Variants in NRG1 observed in about 807,000 individuals in gnomAD.
NRG1 encodes the protein neuregulin 1.
In NRG1, 18 loss-of-function variants were observed where a neutral mutation model predicts 63.8. The ratio of observed to expected loss-of-function variants is 0.28; its 90% CI spans 0.19 to 0.42. The LOEUF (loss-of-function observed/expected upper bound fraction) is 0.42. NRG1 is among the 10% of genes least tolerant of loss of function. The probability of loss-of-function intolerance (pLI) is 1.00; values close to 1 mark genes in which losing one functional copy is unlikely to be tolerated. For missense variants in NRG1, 762 were observed against 814.7 expected (o/e 0.94, Z 0.79); for synonymous variants, 302 against 301.3 (o/e 1.00, Z -0.02).
At chr8:32,357,861 G>T (rs1806660630) in intron 1 of NRG1, among the ~76,000 whole-genome samples, 3 of 152,166 alleles carry the variant, frequency 2.0e-5, no homozygotes, top group Admixed American at 1.3e-4. Context: ...ACTTTTAAAA[G>T]ACAGTGTAAT....
rs547627670 is a variant in NRG1 at position 31,840,228 on chromosome 8, G to T, written c.37+200797G>T. Among the ~76,000 whole-genome samples, 7 of 152,162 alleles carry T rather than the reference G, an allele frequency of 4.6e-5. No individual in the cohort carries two copies. The South Asian group carries it at 1.5e-3, about 32-fold the overall frequency. The stretch of plus-strand genomic sequence containing the variant: ...TGTTGCAAATTCAATGACAAAGCCA[G>T]CCAGTCTACCTAGTCCATAGTATCC... On this transcript the variant is annotated intron_variant, in intron 1 of 10. Transcript: ENST00000519301.
intron 1 of NRG1, among the ~76,000 whole-genome samples, chr8:32,390,314 G>A (rs1811561591): frequency 1.3e-5 from 2 of 151,986 alleles, no homozygotes; most frequent in Admixed American, 1.3e-4. Flanking sequence ...TCTAGACCTG[G>A]TGGCTCACAC....
intron 1 of NRG1, among the ~76,000 whole-genome samples, chr8:32,250,175 T>C (rs1848956594): frequency 6.6e-6 from 1 of 152,162 alleles, no homozygotes; most frequent in African/African-American, 2.4e-5. Flanking sequence ...GTTGAGGCTA[T>C]ATGAAATGTT....
chr8:32,594,182 T>C (rs1426077039), intron 1 of NRG1, among the ~76,000 whole-genome samples: 1 of 152,210 alleles, frequency 6.6e-6, no homozygotes, highest in East Asian at 1.9e-4. Flanking sequence ...AAGGTCTCCA[T>C]TTCCTGTTCA....
At chr8:31,703,753 TTGG>T (rs1452399258) in intron 1 of NRG1, among the ~76,000 whole-genome samples, 1 of 152,198 alleles carries the variant, frequency 6.6e-6, no homozygotes, top group Non-Finnish European at 1.5e-5. Context: ...ATTTGTTCCT[TTGG>T]TCAGGAATCT....
At chr8:32,384,672 T>C (rs1349567768) in intron 1 of NRG1, among the ~76,000 whole-genome samples, 1 of 152,196 alleles carries the variant, frequency 6.6e-6, no homozygotes, top group East Asian at 1.9e-4. Flanking sequence ...AATTACAGAT[T>C]CCCATGTAAT....
chr8:32,458,654 A>G (rs1433444333), intron 1 of NRG1, among the ~76,000 whole-genome samples: 2 of 152,156 alleles, frequency 1.3e-5, no homozygotes, highest in African/African-American at 4.8e-5. Context: ...TTGCAGGTGA[A>G]GTCATTTCCT....
intron 1 of NRG1, among the ~76,000 whole-genome samples, chr8:32,250,692 G>A (rs1872799): frequency 0.67 from 102,440 of 151,946 alleles, 34,981 homozygotes; most frequent in Admixed American, 0.76. Flanking sequence ...TTTTACTAGT[G>A]TAGTTTCTGT....
intron 1 of NRG1, among the ~76,000 whole-genome samples, chr8:31,805,438 T>C (rs1237997314): frequency 1.3e-5 from 2 of 152,150 alleles, no homozygotes; most frequent in Non-Finnish European, 1.5e-5. Flanking sequence ...ATAATTATTA[T>C]GGATTATGAA....
intron 1 of NRG1, among the ~76,000 whole-genome samples, chr8:31,671,314 A>G (rs1408002378): frequency 6.6e-6 from 1 of 152,214 alleles, no homozygotes; most frequent in Non-Finnish European, 1.5e-5. Context: ...ACAGGCTACC[A>G]GGGAAAAATA....
At chr8:31,928,451 G>T (rs948770696) in intron 1 of NRG1, among the ~76,000 whole-genome samples, 3 of 145,400 alleles carry the variant, frequency 2.1e-5, no homozygotes, top group African/African-American at 5.1e-5. Context: ...ATTTCTCAAA[G>T]AACTAAAGAC....
intron 1 of NRG1, among the ~76,000 whole-genome samples, chr8:31,785,583 T>C (rs1163315954): frequency 1.3e-5 from 2 of 152,246 alleles, no homozygotes; most frequent in South Asian, 2.1e-4. Context: ...ACAACAGTTA[T>C]GCATTACATT....
intron 1 of NRG1, among the ~76,000 whole-genome samples, chr8:32,453,741 A>G (rs1339877416): frequency 2.6e-5 from 4 of 152,178 alleles, no homozygotes; most frequent in Non-Finnish European, 2.9e-5. Context: ...CCTGAAACAA[A>G]TAACACCGAC....
At chr8:32,628,055 G>T (rs1167584848) in intron 5 of NRG1, among the ~76,000 whole-genome samples, 1 of 152,092 alleles carries the variant, frequency 6.6e-6, no homozygotes, top group Admixed American at 6.6e-5. Flanking sequence ...AAATAATGTA[G>T]CTTTGAGAAC....
intron 1 of NRG1, among the ~76,000 whole-genome samples, chr8:32,220,314 C>G (rs557877398): frequency 6.6e-6 from 1 of 152,222 alleles, no homozygotes; most frequent in East Asian, 1.9e-4. Context: ...GAGGGAAACC[C>G]CAGGTTATAA....
chr8:32,738,346 G>T (rs752657599), intron 6 of NRG1, among the ~76,000 whole-genome samples: 1 of 151,948 alleles, frequency 6.6e-6, no homozygotes, highest in Admixed American at 6.6e-5. Context: ...ACATGATCAT[G>T]TTAAGAGCAA....
intron 1 of NRG1, among the ~76,000 whole-genome samples, chr8:32,264,184 T>A (rs1255398612): frequency 1.3e-5 from 2 of 152,206 alleles, no homozygotes; most frequent in East Asian, 1.9e-4. Flanking sequence ...AACTCCTGTA[T>A]AAGAAGAATT....
At chr8:31,772,241 T>C (rs1316292575) in intron 1 of NRG1, among the ~76,000 whole-genome samples, 3 of 152,188 alleles carry the variant, frequency 2.0e-5, no homozygotes, top group East Asian at 1.9e-4. Flanking sequence ...TTTTCTGTGA[T>C]GATCCAGTGT....
At chr8:32,555,187 AC>A (rs1834888228) in intron 1 of NRG1, among the ~76,000 whole-genome samples, 1 of 152,180 alleles carries the variant, frequency 6.6e-6, no homozygotes, top group Non-Finnish European at 1.5e-5. Context: ...ATCTTTAAAT[AC>A]CTTCCAATCA....
Sources: allele counts gnomAD v4.1 joint callset (sites outside exome capture counted in the v4.1 genomes callset), GRCh38; gene constraint gnomAD v4.1.1; transcripts MANE v1.5; gene names NCBI Gene and HGNC (gene_info 2026-07-23, HGNC 2026-07-21).